CYP11B1: variants seen among roughly 807,000 people sequenced by gnomAD.
The protein encoded by CYP11B1 is cytochrome P450 11B1, mitochondrial.
Under a neutral mutation model 48.3 loss-of-function variants are expected in CYP11B1, and 34 were observed. That is an observed-to-expected ratio of 0.70 (90% CI 0.54 to 0.94). The LOEUF is 0.94. Among genes scored for constraint, CYP11B1 ranks in the 40% least tolerant of loss-of-function variants. The probability of loss-of-function intolerance (pLI) is 0.00; values close to 1 mark genes in which losing one functional copy is unlikely to be tolerated. For missense variants in CYP11B1, 688 were observed against 657.4 expected (o/e 1.05, Z -0.51); for synonymous variants, 291 against 262.5 (o/e 1.11, Z -1.05).
In CYP11B1 at chr8:142,879,646, C is replaced by G. The variant is rs1383321200; in HGVS notation, c.168G>C (p.Trp56Cys). 6.2e-7 allele frequency: 1 copy of G among 1,614,236 alleles called. No individual in the cohort carries two copies. Reference sequence around the variant, plus strand: ...GCAGGTCCTCATAACCCTGCTCCCTCCAGATCTGCAGCAGCCTCAGCCACC... The same window carrying G: ...GCAGGTCCTCATAACCCTGCTCCCTGCAGATCTGCAGCAGCCTCAGCCACC... ...GNRWLRLLQI[W>C]REQGYEDLHL... The change falls in exon 1 of 9, where the codon TGG (tryptophan) becomes TGC (cysteine). Residue 56 changes from tryptophan (W) to cysteine (C), a missense_variant. Physicochemically the swap from Trp to Cys is radical, Grantham distance 215. Transcript: ENST00000292427.
At position 142,874,112 on chromosome 8, in the gene CYP11B1, G is replaced by A. The variant is rs758596230; in HGVS notation, c.*261C>T. 11 of 543,944 alleles carry A rather than the reference G, an allele frequency of 2.0e-5. No individual in the cohort carries two copies. Among genetic ancestry groups the A allele is most frequent in the Non-Finnish European group, 3.0e-5 (9 of 301,082 alleles). The allele number at this position is 543,944 out of a possible 1,614,324, so 33.7% of individuals were successfully genotyped here. On this transcript the variant is annotated 3_prime_UTR_variant, in exon 9 of 9. Transcript: ENST00000292427. ...GGGAGGGATGGGGGCAAACTGCCCAGAGGACAGTGCTTGCTGGAGAAAGGG... is the reference window on the plus strand; with the variant it reads ...GGGAGGGATGGGGGCAAACTGCCCAAAGGACAGTGCTTGCTGGAGAAAGGG...
rs769450046 is a variant in CYP11B1 at position 142,879,168 on chromosome 8, C to G, written c.259G>C (p.Gly87Arg). 2.7e-5 allele frequency: 43 copies of G among 1,613,816 alleles called. No individual in the cohort carries two copies. The highest frequency in any genetic ancestry group is 3.3e-4 in the Middle Eastern group (2 of 6,084). ...TCCGGCAGCATCACACACACCATGCCTGCTCCTCCCAAGTCGTACCTGTGG... is the reference window on the plus strand; with the variant it reads ...TCCGGCAGCATCACACACACCATGCGTGCTCCTCCCAAGTCGTACCTGTGG... ...PIFRYDLGGA[G>R]MVCVMLPEDV... is the part of the protein sequence containing the mutation. Residue 87 changes from glycine to arginine, a missense_variant, in exon 2 of 9, where the codon GGC becomes CGC. Transcript: ENST00000292427.
At position 142,874,222 on chromosome 8, in the gene CYP11B1, A is replaced by C; in HGVS notation, c.*151T>G. 1 of 693,148 alleles carries C rather than the reference A, an allele frequency of 1.4e-6. No individual in the cohort carries two copies. The highest frequency in any genetic ancestry group is 2.7e-5 in the East Asian group (1 of 37,438). 42.9% of individuals were successfully genotyped at this position (693,148 alleles called of 1,614,324 possible). A position where few individuals can be genotyped will look rare whatever the true frequency, so the allele number is the denominator to read the frequency against. ...GCTTAGCCTGGCAAACCCTGGTCCT[A>C]GAGGCCCTCGGGAGTTCCATTTGTG... On this transcript the variant is annotated 3_prime_UTR_variant, in exon 9 of 9. Coordinates refer to ENST00000292427, the MANE Select transcript of CYP11B1 (RefSeq NM_000497.4).
chr8:142,876,884 G>C lies in CYP11B1; in HGVS notation c.597C>G (p.Ala199=). 2 of 1,614,194 alleles carry C rather than the reference G, an allele frequency of 1.2e-6. No individual in the cohort carries two copies. Among genetic ancestry groups the C allele is most frequent in the Non-Finnish European group, 1.7e-6 (2 of 1,180,038 alleles). ...QPSIFHYTIE[A]SNLALFGERL... ...GCTCTCCAAAAAGAGCCAAGTTGCT[G>C]GCTGCGGGGAGGATGCACTGCTGAG... The change falls in exon 4 of 9, where the codon GCC becomes GCG. Residue 199 remains alanine (A), a splice_region_variant and synonymous_variant. Transcript: ENST00000292427.
chr8:142,878,123 T>A (rs1817019954), intron 2 of CYP11B1, among the ~76,000 whole-genome samples: 1 of 152,124 alleles, frequency 6.6e-6, no homozygotes, highest in Non-Finnish European at 1.5e-5. Flanking sequence ...ACACACAGCA[T>A]GTGCACAGAT....
intron 5 of CYP11B1, 179 bp downstream of exon 5, chr8:142,876,062 C>A: frequency 8.9e-7 from 1 of 1,119,266 alleles, no homozygotes; most frequent in African/African-American, 1.6e-5. Context: ...CAGAAAGGAA[C>A]CCCCCATTCC....
In CYP11B1 at chr8:142,875,860, T is replaced by A. The variant is rs759437467; in HGVS notation, c.973A>T (p.Met325Leu). 5 of 1,614,022 alleles carry A rather than the reference T, an allele frequency of 3.1e-6. No homozygotes were observed. Among genetic ancestry groups the A allele is most frequent in the Non-Finnish European group, 2.5e-6 (3 of 1,179,986 alleles). The change falls in exon 6 of 9, where the codon ATG becomes TTG. Residue 325 changes from methionine to leucine, a missense_variant. Transcript: ENST00000292427. ...SVDTTVFPLLMTLFELARNPN... is the reference protein window; with the variant it reads ...SVDTTVFPLLLTLFELARNPN... ...TTCCGAGCCAGCTCAAAGAGCGTCA[T>A]CAGCAAGGGAAACACCGTCTGCAGG...
At chr8:142,877,938 T>C in intron 2 of CYP11B1, 1 of 890,600 alleles carries the variant, frequency 1.1e-6, no homozygotes. Context: ...ATGCAAGACC[T>C]CAACACCATG....
chr8:142,877,238 C>T lies in CYP11B1; in HGVS notation c.396-16G>A. ...AGGCCCATTCCTACAGAGGCCAGGG[C>T]AGAGCTTGTGAGGCCGCCCCAGCAA... On this transcript the variant is annotated splice_polypyrimidine_tract_variant and intron_variant, in intron 2 of 8. Coordinates refer to ENST00000292427, the MANE Select transcript of CYP11B1 (RefSeq NM_000497.4). The T allele has an allele frequency of 6.2e-7, 1 of 1,604,296 alleles. No individual in the cohort carries two copies. The highest frequency in any genetic ancestry group is 1.1e-5 in the South Asian group (1 of 89,080).
rs146124466 is a variant in CYP11B1, at chr8:142,875,767, G to A, written c.1066C>T (p.Gln356Ter). ...AAGGGCAGCTCGGTGGTTGCCTTCT[G>A]GGGATGTTCACTGATGCTGGCTGCG... ...AAAASISEHP[Q>*]KATTELPLLR... Residue 356 changes from glutamine (Q) to a stop codon, truncating the protein, a stop_gained, in exon 6 of 9, where the codon CAG becomes TAG. Coordinates refer to ENST00000292427, the MANE Select transcript of CYP11B1 (RefSeq NM_000497.4). LOFTEE classifies it high-confidence loss of function. 6.3e-5 allele frequency: 101 copies of A among 1,613,728 alleles called. No individual in the cohort carries two copies. In the African/African-American group the frequency reaches 1.2e-3, roughly 19 times the overall value.
At chr8:142,876,933 G>A (rs762652858) in intron 3 of CYP11B1, 48 bp from the exon 4 acceptor site, 113 of 1,613,168 alleles carry the variant, frequency 7.0e-5, no homozygotes, top group Admixed American at 1.7e-5. Context: ...CGGGCCTCCT[G>A]GCTGCCTCCC....
intron 2 of CYP11B1, among the ~76,000 whole-genome samples, chr8:142,878,057 GACACATGTGCACACACGCATGCACACACA>G (rs1047613182): frequency 2.1e-5 from 2 of 95,154 alleles, no homozygotes; most frequent in African/African-American, 6.0e-5. Flanking sequence ...CATGCACACA[GACACATGTGCACACACGCATGCACACACA>G]ACACGTGCAA....
chr8:142,876,564 G>C, intron 4 of CYP11B1, 118 bp downstream of exon 4: 4 of 1,549,848 alleles, frequency 2.6e-6, no homozygotes, highest in Non-Finnish European at 2.6e-6. Context: ...CTGGCAGGAA[G>C]GTGAGGAATC....
intron 1 of CYP11B1, 41 bp from the exon 2 acceptor site, chr8:142,879,228 T>G: frequency 1.9e-6 from 3 of 1,613,244 alleles, no homozygotes; most frequent in South Asian, 1.1e-5. Flanking sequence ...TGGGACCATG[T>G]CCCCGCTAGC....
In CYP11B1 at chr8:142,879,044, C is replaced by T. The variant is rs758884429; in HGVS notation, c.383G>A (p.Gly128Asp). ...GCTCGCCGCTTACAGCAAGAACACG[C>T]CACATTTGTGCCCACGATGTTGTCT... is the stretch of plus-strand genomic sequence containing the variant. ...AYRQHRGHKC[G>D]VFLLNGPEWR... is the part of the protein sequence containing the mutation. The change falls in exon 2 of 9, where the codon GGC (glycine) becomes GAC (aspartate). Residue 128 changes from glycine to aspartate, a missense_variant. Coordinates refer to ENST00000292427, the MANE Select transcript of CYP11B1 (RefSeq NM_000497.4). 1 of 1,614,200 alleles carries T rather than the reference C, an allele frequency of 6.2e-7. No individual in the cohort carries two copies. The highest frequency in any genetic ancestry group is 1.7e-5 in the Admixed American group (1 of 60,028).
chr8:142,876,572 A>T, intron 4 of CYP11B1, 110 bp downstream of exon 4: 1 of 1,550,774 alleles, frequency 6.4e-7, no homozygotes, highest in Admixed American at 2.0e-5. Context: ...AAGGTGAGGA[A>T]TCCCCGACCC....
In CYP11B1 at chr8:142,876,794, G is replaced by C; in HGVS notation, c.687C>G (p.Val229=). 5 of 1,614,168 alleles carry C rather than the reference G, an allele frequency of 3.1e-6. No individual in the cohort carries two copies. Among genetic ancestry groups the C allele is most frequent in the Non-Finnish European group, 4.2e-6 (5 of 1,180,026 alleles). Residue 229 remains valine (V), a synonymous_variant, in exon 4 of 9, where the codon GTC becomes GTG. Transcript: ENST00000292427. Reference sequence around the variant, plus strand: ...TGAGCTGGACGGTGGATTTGAACATGACCTCCAGGGCATGGAGGAAGTTCA... The same window carrying C: ...TGAGCTGGACGGTGGATTTGAACATCACCTCCAGGGCATGGAGGAAGTTCA... ...ASLNFLHALE[V]MFKSTVQLMF...
chr8:142,877,198 G>A lies in CYP11B1; in HGVS notation c.420C>T (p.Asn140=). ...GCACTTCTGGATTCAGCCGCAATCG[G>A]TTGAAGCGCCATTCAGGCCCATTCC... ...FLLNGPEWRF[N]RLRLNPEVLS... Residue 140 remains asparagine (N), a synonymous_variant, in exon 3 of 9, where the codon AAC becomes AAT. Coordinates refer to ENST00000292427, the MANE Select transcript of CYP11B1 (RefSeq NM_000497.4). 6.2e-7 allele frequency: 1 copy of A among 1,613,986 alleles called. No individual in the cohort carries two copies. Among genetic ancestry groups the A allele is most frequent in the Non-Finnish European group, 8.5e-7 (1 of 1,179,950 alleles).
intron 4 of CYP11B1, 69 bp from the exon 5 acceptor site, chr8:142,876,464 G>A: frequency 1.9e-6 from 3 of 1,553,842 alleles, no homozygotes; most frequent in Non-Finnish European, 1.7e-6. Flanking sequence ...TCCTCCTCCT[G>A]CCCAGACTGC....
Sources: gnomAD v4.1 joint callset for allele counts (sites outside exome capture counted in the v4.1 genomes callset) on GRCh38, gnomAD v4.1.1 for gene constraint, MANE v1.5 for transcripts, NCBI Gene and HGNC (gene_info 2026-07-23, HGNC 2026-07-21) for gene names.